SPON1: variants seen among roughly 807,000 people sequenced by gnomAD.
SPON1 encodes spondin 1.
In SPON1, 52 loss-of-function variants were observed where a neutral mutation model predicts 111.7. That is an observed-to-expected ratio of 0.47 (90% CI 0.37 to 0.59). SPON1 has a LOEUF of 0.59. SPON1 is among the 20% of genes least tolerant of loss of function. The pLI, the probability that SPON1 is intolerant of heterozygous loss-of-function variation, is 0.00. For missense variants in SPON1, 957 were observed against 1,068.5 expected (o/e 0.90, Z 1.46); for synonymous variants, 410 against 395.8 (o/e 1.04, Z -0.43).
intron 6 of SPON1, among the ~76,000 whole-genome samples, chr11:14,170,320 G>C (rs1333287712): frequency 1.3e-5 from 2 of 152,130 alleles, no homozygotes; most frequent in African/African-American, 4.8e-5. Flanking sequence ...GTATAAGAAT[G>C]CTTGTGATTT....
At position 14,090,837 on chromosome 11, in the gene SPON1, C is replaced by G. The variant is rs1256365457; in HGVS notation, c.676+10816C>G. Among the ~76,000 whole-genome samples, 236 of 36,786 alleles carry G rather than the reference C, an allele frequency of 6.4e-3. 13 individuals carry two copies. Among genetic ancestry groups the G allele is most frequent in the African/African-American group, 0.017 (175 of 10,136 alleles). 24.1% of individuals were successfully genotyped at this position (36,786 alleles called of 152,430 possible). ...TTCTCTTATCTGGCCCCCCCCCCCC[C>G]CCCCCCCGCCCACATCCTGCTGATT... On this transcript the variant is annotated intron_variant, in intron 5 of 15. Coordinates refer to ENST00000576479, the MANE Select transcript of SPON1 (RefSeq NM_006108.4).
intron 2 of SPON1, among the ~76,000 whole-genome samples, chr11:14,003,344 C>T (rs2133793816): frequency 6.6e-6 from 1 of 152,210 alleles, no homozygotes; most frequent in Non-Finnish European, 1.5e-5. Flanking sequence ...TGCAGTGATC[C>T]CTGCACCGAA....
chr11:14,078,490 A>G (rs1459701291), intron 4 of SPON1, among the ~76,000 whole-genome samples: 1 of 152,160 alleles, frequency 6.6e-6, no homozygotes, highest in African/African-American at 2.4e-5. Context: ...TCTTCATTGA[A>G]AAAAGCAATA....
chr11:14,137,260 C>A (rs971375566), intron 6 of SPON1, among the ~76,000 whole-genome samples: 4 of 152,218 alleles, frequency 2.6e-5, no homozygotes, highest in Non-Finnish European at 5.9e-5. Context: ...CCCCCCACCA[C>A]CACCACTGCC....
Position 14,050,561 on chromosome 11 carries a change from G to A in SPON1, c.479+8907G>A, listed in dbSNP as rs553341466. ...ATGTACACTCCAGCATCAGGAACTCGAAAATTATTGATTCTTGTCCTAGGT... is the reference window on the plus strand; with the variant it reads ...ATGTACACTCCAGCATCAGGAACTCAAAAATTATTGATTCTTGTCCTAGGT... On this transcript the variant is annotated intron_variant, in intron 3 of 15. Transcript: ENST00000576479. 7.2e-5 allele frequency among the ~76,000 whole-genome samples: 11 copies of A among 152,044 alleles called. No individual in the cohort carries two copies. The South Asian group carries it at 1.9e-3, about 26-fold the overall frequency.
chr11:14,045,711 A>G (rs1206557415), intron 3 of SPON1, among the ~76,000 whole-genome samples: 3 of 150,406 alleles, frequency 2.0e-5, no homozygotes, highest in African/African-American at 7.3e-5. Flanking sequence ...ATATAAAATA[A>G]TTTGATTTAT....
chr11:14,082,961 G>A (rs545038300), intron 5 of SPON1, among the ~76,000 whole-genome samples: 6 of 152,064 alleles, frequency 3.9e-5, no homozygotes, highest in African/African-American at 1.4e-4. Flanking sequence ...TCTTAGGACC[G>A]CTTTTGTATG....
intron 15 of SPON1, among the ~76,000 whole-genome samples, chr11:14,263,827 G>T (rs1056541539): frequency 6.6e-6 from 1 of 151,982 alleles, no homozygotes. Context: ...TCAGGAGTTT[G>T]AGACCAGCCT....
chr11:14,121,761 T>C (rs1321867864), intron 5 of SPON1, among the ~76,000 whole-genome samples: 1 of 152,216 alleles, frequency 6.6e-6, no homozygotes, highest in Non-Finnish European at 1.5e-5. Context: ...AGAACTTCCT[T>C]TAATATTTCA....
At chr11:14,165,120 G>C (rs1754767411) in intron 6 of SPON1, among the ~76,000 whole-genome samples, 1 of 152,168 alleles carries the variant, frequency 6.6e-6, no homozygotes, top group African/African-American at 2.4e-5. Context: ...ACAAAGGGCT[G>C]TTACCATCTT....
At position 14,173,394 on chromosome 11, in the gene SPON1, C is replaced by T. The variant is rs188371973; in HGVS notation, c.825+37826C>T. On this transcript the variant is annotated intron_variant, in intron 6 of 15. Transcript: ENST00000576479. ...TTGGTTATTCTAGTTAGCCATTCATCTAATTTTTTTTCAAGGTTTTTAATT... is the reference window on the plus strand; with the variant it reads ...TTGGTTATTCTAGTTAGCCATTCATTTAATTTTTTTTCAAGGTTTTTAATT... Among the ~76,000 whole-genome samples, 30 of 152,230 alleles carry T rather than the reference C, an allele frequency of 2.0e-4. 1 individual carries two copies. The East Asian group carries it at 5.4e-3, about 27-fold the overall frequency.
chr11:14,008,045 G>T (rs1387226401), intron 2 of SPON1, among the ~76,000 whole-genome samples: 8 of 152,122 alleles, frequency 5.3e-5, no homozygotes, highest in African/African-American at 1.4e-4. Flanking sequence ...ACTTTCTGGG[G>T]ATTAGAAGTG....
At chr11:13,990,475 T>G (rs1270802243) in intron 2 of SPON1, among the ~76,000 whole-genome samples, 2 of 148,784 alleles carry the variant, frequency 1.3e-5, no homozygotes, top group Non-Finnish European at 3.0e-5. Context: ...CTTTGCATGT[T>G]AGATGGGTCT....
chr11:14,232,895 AG>A (rs1208015682), intron 6 of SPON1, among the ~76,000 whole-genome samples: 4 of 151,936 alleles, frequency 2.6e-5, no homozygotes, highest in Non-Finnish European at 5.9e-5. Flanking sequence ...AGCACATGGC[AG>A]GGGGGGCAGT....
intron 5 of SPON1, among the ~76,000 whole-genome samples, chr11:14,107,739 G>A (rs1235132461): frequency 6.6e-6 from 1 of 152,184 alleles, no homozygotes; most frequent in Non-Finnish European, 1.5e-5. Context: ...TAATGCGAGA[G>A]TGGAAAGGAA....
intron 5 of SPON1, among the ~76,000 whole-genome samples, chr11:14,115,249 A>G (rs1327971150): frequency 2.6e-5 from 4 of 152,206 alleles, no homozygotes; most frequent in African/African-American, 7.2e-5. Flanking sequence ...GCCGTCACTC[A>G]GTTAGTTTTT....
intron 6 of SPON1, among the ~76,000 whole-genome samples, chr11:14,160,221 T>C (rs2133873067): frequency 6.7e-6 from 1 of 148,736 alleles, no homozygotes; most frequent in East Asian, 2.0e-4. Context: ...TAGATACTCC[T>C]TGACTTACAG....
Position 14,267,393 on chromosome 11 carries a change from A to C in SPON1, c.*1706A>C, listed in dbSNP as rs1554942591. 1 of 152,104 alleles carries C rather than the reference A, an allele frequency of 6.6e-6. No homozygotes were observed. The highest frequency in any genetic ancestry group is 1.9e-4 in the East Asian group (1 of 5,180). 9.4% of individuals were successfully genotyped at this position (152,104 alleles called of 1,614,324 possible). A position where few individuals can be genotyped will look rare whatever the true frequency, so the allele number is the denominator to read the frequency against. On this transcript the variant is annotated 3_prime_UTR_variant, in exon 16 of 16. Transcript: ENST00000576479. Reference sequence around the variant, plus strand: ...ATCCTTAAATGAATTGCTTTCTCCCAAAAAAAGCACAATATAAAGAAACAC... The same window carrying C: ...ATCCTTAAATGAATTGCTTTCTCCCCAAAAAAGCACAATATAAAGAAACAC...
chr11:14,195,341 G>T (rs1554934952), intron 6 of SPON1, among the ~76,000 whole-genome samples: 1 of 152,098 alleles, frequency 6.6e-6, no homozygotes, highest in East Asian at 1.9e-4. Context: ...CAGCTCTCTG[G>T]CAAAGTAGAA....
Sources: allele counts gnomAD v4.1 joint callset (sites outside exome capture counted in the v4.1 genomes callset), GRCh38; gene constraint gnomAD v4.1.1; transcripts MANE v1.5; gene names NCBI Gene and HGNC (gene_info 2026-07-23, HGNC 2026-07-21).